RBM26: variants seen among roughly 807,000 people sequenced by gnomAD.
The protein encoded by RBM26 is RNA-binding protein 26.
In RBM26, 30 loss-of-function variants were observed where a neutral mutation model predicts 123.6. The ratio of observed to expected loss-of-function variants is 0.24; its 90% CI spans 0.18 to 0.33. The LOEUF is 0.33. RBM26 is among the 10% of genes least tolerant of loss of function. The pLI is 1.00. For synonymous variants in RBM26, 400 were observed against 404.4 expected (o/e 0.99, Z 0.13); for missense variants, 947 against 1,203.6 (o/e 0.79, Z 3.15).
At chr13:79,351,767 G>A (rs1332841689) in intron 14 of RBM26, among the ~76,000 whole-genome samples, 1 of 152,162 alleles carries the variant, frequency 6.6e-6, no homozygotes, top group Non-Finnish European at 1.5e-5. Flanking sequence ...GATGAGCTGT[G>A]AATCAAGGAA....
intron 12 of RBM26, 72 bp from the exon 13 acceptor site, chr13:79,354,642 T>C (rs549339494): frequency 7.4e-7 from 1 of 1,354,668 alleles, no homozygotes; most frequent in African/African-American, 1.5e-5. Context: ...TGTTATTTTG[T>C]TACTACATTG....
chr13:79,381,568 C>T (rs1181184320), intron 1 of RBM26, among the ~76,000 whole-genome samples: 1 of 151,890 alleles, frequency 6.6e-6, no homozygotes, highest in African/African-American at 2.4e-5. Flanking sequence ...CAGTAACTTA[C>T]CTGTCATTTT....
At chr13:79,392,048 A>G (rs2078063930) in intron 1 of RBM26, among the ~76,000 whole-genome samples, 1 of 36,658 alleles carries the variant, frequency 2.7e-5, no homozygotes, top group Non-Finnish European at 6.3e-5. Context: ...TATACAATAC[A>G]TTATTATATA....
intron 3 of RBM26, among the ~76,000 whole-genome samples, chr13:79,372,589 T>A (rs2076010815): frequency 1.3e-5 from 2 of 150,068 alleles, no homozygotes; most frequent in African/African-American, 4.9e-5. Context: ...ATATTCATGT[T>A]TTGGTTTCGT....
At chr13:79,405,557 T>C (rs889710746) in intron 1 of RBM26, 147 bp downstream of exon 1, 5 of 441,128 alleles carry the variant, frequency 1.1e-5, no homozygotes, top group African/African-American at 8.2e-5. Flanking sequence ...GGAAGCGAGG[T>C]GGACGAGGAG....
intron 9 of RBM26, among the ~76,000 whole-genome samples, chr13:79,360,563 C>T (rs1487007029): frequency 6.6e-6 from 1 of 151,806 alleles, no homozygotes; most frequent in Non-Finnish European, 1.5e-5. Context: ...GTTTTGAAAT[C>T]AAATGCACAA....
intron 1 of RBM26, among the ~76,000 whole-genome samples, chr13:79,401,524 C>T (rs558697542): frequency 6.6e-6 from 1 of 152,292 alleles, no homozygotes; most frequent in Non-Finnish European, 1.5e-5. Context: ...ACAATGCTTA[C>T]CTCATAAAAC....
rs1335895465 is a variant in RBM26, at chr13:79,322,329, G to C, written c.2934+20C>G. The C allele has an allele frequency of 3.4e-5, 49 of 1,460,330 alleles. No homozygotes were observed. Among genetic ancestry groups the C allele is most frequent in the Non-Finnish European group, 4.5e-5 (48 of 1,077,922 alleles). The allele number at this position is 1,460,330 out of a possible 1,614,324, so 90.5% of individuals were successfully genotyped here. A position where few individuals can be genotyped will look rare whatever the true frequency, so the allele number is the denominator to read the frequency against. ...TATGAACGATTAAGGGTAAAAATAA[G>C]TGGAAAAAAAATAACATACTTCTTC... On this transcript the variant is annotated intron_variant, in intron 21 of 21. Coordinates refer to ENST00000438737, the MANE Select transcript of RBM26 (RefSeq NM_001366735.2).
At chr13:79,366,398 G>A (rs2075271342) in intron 7 of RBM26, among the ~76,000 whole-genome samples, 1 of 152,126 alleles carries the variant, frequency 6.6e-6, no homozygotes, top group Non-Finnish European at 1.5e-5. Flanking sequence ...AGGCCTGCAG[G>A]CAGCTGGGTT....
At chr13:79,346,857 T>C (rs999487635) in intron 14 of RBM26, among the ~76,000 whole-genome samples, 7 of 152,186 alleles carry the variant, frequency 4.6e-5, no homozygotes, top group African/African-American at 1.7e-4. Context: ...CTAATTAAGT[T>C]TCACAAACTG....
At chr13:79,405,660 C>T in intron 1 of RBM26, 44 bp downstream of exon 1, 2 of 1,409,358 alleles carry the variant, frequency 1.4e-6, no homozygotes, top group Non-Finnish European at 2.0e-6. Flanking sequence ...GTCCGCCTAT[C>T]TCCCACTGCC....
intron 1 of RBM26, among the ~76,000 whole-genome samples, chr13:79,380,731 A>G (rs1264509686): frequency 1.3e-5 from 2 of 151,976 alleles, no homozygotes; most frequent in African/African-American, 4.8e-5. Flanking sequence ...TTACTCATCC[A>G]ATCCAGCGTA....
chr13:79,390,976 G>T (rs1316947287), intron 1 of RBM26, among the ~76,000 whole-genome samples: 1 of 152,098 alleles, frequency 6.6e-6, no homozygotes, highest in Non-Finnish European at 1.5e-5. Context: ...TCTATTTAAG[G>T]TTGCATCTCA....
chr13:79,373,386 AAT>A (rs1327441119), intron 3 of RBM26, among the ~76,000 whole-genome samples: 17 of 91,240 alleles, frequency 1.9e-4, no homozygotes, highest in Admixed American at 3.8e-4. Context: ...ATTATATATA[AAT>A]ATATATAATA....
chr13:79,316,457 C>G (rs948841321), downstream of RBM26, among the ~76,000 whole-genome samples: 4 of 151,640 alleles, frequency 2.6e-5, no homozygotes, highest in African/African-American at 9.7e-5. Context: ...GATAAAGTCC[C>G]CCAAAATCAG....
chr13:79,347,298 G>GA (rs920315420), intron 14 of RBM26, among the ~76,000 whole-genome samples: 1 of 151,922 alleles, frequency 6.6e-6, no homozygotes, highest in African/African-American at 2.4e-5. Context: ...CCCTACTAAA[G>GA]AAAAAAAGGC....
At chr13:79,359,795 T>TAC (rs1368569699) in intron 9 of RBM26, 109 bp from the exon 10 acceptor site, 5 of 206,298 alleles carry the variant, frequency 2.4e-5, no homozygotes, top group East Asian at 1.5e-4. Flanking sequence ...TCTAAATATA[T>TAC]ATATATATAT....
At chr13:79,373,484 A>T (rs370875246) in intron 3 of RBM26, among the ~76,000 whole-genome samples, 70 of 3,404 alleles carry the variant, frequency 0.021, no homozygotes, top group Non-Finnish European at 0.03. Flanking sequence ...ATATACAAAT[A>T]TATATAATAT....
In RBM26 at chr13:79,371,822, T is replaced by A. The variant is rs1408866601; in HGVS notation, c.416+20A>T. The A allele has an allele frequency of 2.7e-6, 4 of 1,492,084 alleles. No individual in the cohort carries two copies. Among genetic ancestry groups the A allele is most frequent in the African/African-American group, 1.4e-5 (1 of 72,194 alleles). 92.4% of individuals were successfully genotyped at this position (1,492,084 alleles called of 1,614,324 possible). A position where few individuals can be genotyped will look rare whatever the true frequency, so the allele number is the denominator to read the frequency against. On this transcript the variant is annotated intron_variant, in intron 4 of 21. Coordinates refer to ENST00000438737, the MANE Select transcript of RBM26 (RefSeq NM_001366735.2). ...ATAACTTACATCGAAACACTGAGTA[T>A]GGTTCAATGAACTGCTCACCTATTT...
Sources: allele counts gnomAD v4.1 joint callset (sites outside exome capture counted in the v4.1 genomes callset), GRCh38; gene constraint gnomAD v4.1.1; transcripts MANE v1.5; gene names NCBI Gene and HGNC (gene_info 2026-07-23, HGNC 2026-07-21).